Variants in SLC1A7 observed in about 807,000 individuals in gnomAD.
SLC1A7 encodes excitatory amino acid transporter 5.
In SLC1A7, 40 loss-of-function variants were observed where a neutral mutation model predicts 47.7. The observed-to-expected ratio is 0.84, with a 90% CI of 0.65 to 1.09. The LOEUF is 1.09. SLC1A7 is among the 50% of genes least tolerant of loss of function. The probability of loss-of-function intolerance (pLI) is 0.00; values close to 1 mark genes in which losing one functional copy is unlikely to be tolerated. For missense variants in SLC1A7, 746 were observed against 769.5 expected, an observed-to-expected ratio of 0.97 and a Z score of 0.36; for synonymous variants, 323 against 325.6, an observed-to-expected ratio of 0.99 and a Z score of 0.09.
rs1218047336 is a variant in SLC1A7, at chr1:53,136,647, AT to A, written c.136-2219del. Among the ~76,000 whole-genome samples the A allele has an allele frequency of 2.2e-3, 233 of 107,878 alleles. 2 individuals carry two copies. Among genetic ancestry groups the A allele is most frequent in the Non-Finnish European group, 3.4e-3 (196 of 57,580 alleles). The allele number at this position is 107,878 out of a possible 152,430, so 70.8% of individuals were successfully genotyped here. The stretch of plus-strand genomic sequence containing the variant: ...ACATATATAATATATAAAAACATAT[AT>A]ATATTATATATATATATATTTTTTT... On this transcript the variant is annotated intron_variant, in intron 1 of 10. Coordinates refer to ENST00000371494, the MANE Select transcript of SLC1A7 (RefSeq NM_006671.6).
chr1:53,089,088 A>C, intron 9 of SLC1A7, 109 bp from the exon 10 acceptor site: 1 of 874,304 alleles, frequency 1.1e-6, no homozygotes, highest in Non-Finnish European at 1.9e-6. Context: ...CTGTCATGCA[A>C]AGCCTGCAGC....
chr1:53,097,531 A>G (rs1183259097), intron 5 of SLC1A7, among the ~76,000 whole-genome samples: 1 of 149,958 alleles, frequency 6.7e-6, no homozygotes, highest in African/African-American at 2.5e-5. Flanking sequence ...CTGCCTTGGT[A>G]CAATCACAAA....
At chr1:53,099,341 CCTCAGTA>C (rs1644542759) in intron 5 of SLC1A7, among the ~76,000 whole-genome samples, 2 of 61,484 alleles carry the variant, frequency 3.3e-5, no homozygotes, top group South Asian at 6.2e-4. Flanking sequence ...GCTCACACTG[CCTCAGTA>C]CCTCACATAC....
Position 53,142,209 on chromosome 1 carries a change from C to T in SLC1A7, c.135+106G>A, listed in dbSNP as rs57998996. 6,386 of 1,291,276 alleles carry T rather than the reference C, an allele frequency of 4.9e-3. 221 individuals are homozygous for T. In the African/African-American group the frequency reaches 0.077, roughly 16 times the overall value. The allele number at this position is 1,291,276 out of a possible 1,614,324, so 80.0% of individuals were successfully genotyped here. The stretch of plus-strand genomic sequence containing the variant: ...ACCCAGAGAGGCAGAGGGATTCACA[C>T]ACTGTCATGGCACCAGGGAGCTGTG... On this transcript the variant is annotated intron_variant, in intron 1 of 10. Coordinates refer to ENST00000371494, the MANE Select transcript of SLC1A7 (RefSeq NM_006671.6).
chr1:53,112,073 G>A (rs1644707105), intron 3 of SLC1A7, among the ~76,000 whole-genome samples: 1 of 152,176 alleles, frequency 6.6e-6, no homozygotes, highest in Admixed American at 6.5e-5. Context: ...TAACATTGTG[G>A]TCCCTTCCCA....
intron 2 of SLC1A7, among the ~76,000 whole-genome samples, chr1:53,129,292 A>G (rs1393763216): frequency 1.3e-5 from 2 of 152,230 alleles, no homozygotes; most frequent in African/African-American, 4.8e-5. Context: ...AACCTCGTGA[A>G]GGAGGTATTC....
intron 4 of SLC1A7, among the ~76,000 whole-genome samples, chr1:53,104,675 C>T (rs1174997286): frequency 2.6e-5 from 4 of 152,300 alleles, no homozygotes; most frequent in East Asian, 1.9e-4. Flanking sequence ...AGAGACGCGG[C>T]GATATGCCAA....
intron 5 of SLC1A7, among the ~76,000 whole-genome samples, chr1:53,101,495 TAC>T (rs1644580053): frequency 6.7e-6 from 1 of 150,154 alleles, no homozygotes; most frequent in Non-Finnish European, 1.5e-5. Context: ...ACCACCTCGG[TAC>T]ACTCACACAC....
At chr1:53,107,367 G>A (rs1004942771) in intron 3 of SLC1A7, among the ~76,000 whole-genome samples, 4 of 152,026 alleles carry the variant, frequency 2.6e-5, no homozygotes, top group African/African-American at 4.8e-5. Context: ...AAGGACATTC[G>A]TGGAAAAACT....
chr1:53,118,649 T>C (rs1180377986), intron 2 of SLC1A7: 2 of 152,262 alleles, frequency 1.3e-5, no homozygotes, highest in Non-Finnish European at 1.5e-5. Context: ...TTAAGTTTAA[T>C]ACTTTATTTA....
chr1:53,124,453 G>A (rs1407511348), intron 2 of SLC1A7, among the ~76,000 whole-genome samples: 1 of 152,210 alleles, frequency 6.6e-6, no homozygotes, highest in African/African-American at 2.4e-5. Context: ...TGAGGGGAGA[G>A]AAGGGTTTGG....
Position 53,142,439 on chromosome 1 carries a change from T to C in SLC1A7, c.11A>G (p.His4Arg). 1 of 1,613,332 alleles carries C rather than the reference T, an allele frequency of 6.2e-7. No homozygotes were observed. The highest frequency in any genetic ancestry group is 1.1e-5 in the South Asian group (1 of 90,878). ...GTCCCTCCCCCGTGCCAAGATGGCA[T>C]GCGGCACCATGGTGAGCCTGGCCTG... MVP[H>R]AILARGRDVC... Residue 4 changes from histidine (H) to arginine (R), a missense_variant, in exon 1 of 11, where the codon CAT (histidine) becomes CGT (arginine). Transcript: ENST00000371494.
At chr1:53,114,395 C>T (rs376084764) in intron 3 of SLC1A7, among the ~76,000 whole-genome samples, 155 of 152,306 alleles carry the variant, frequency 1.0e-3, no homozygotes, top group African/African-American at 2.8e-3. Context: ...GGAAAAGTCA[C>T]GGCACCTTTT....
At chr1:53,135,234 TTCA>T (rs1420141480) in intron 1 of SLC1A7, among the ~76,000 whole-genome samples, 3 of 152,150 alleles carry the variant, frequency 2.0e-5, no homozygotes, top group African/African-American at 4.8e-5. Context: ...TGTTCATGCA[TTCA>T]TTCAACCCGC....
At chr1:53,108,662 T>C (rs1644670790) in intron 3 of SLC1A7, 1 of 717,546 alleles carries the variant, frequency 1.4e-6, no homozygotes, top group Non-Finnish European at 2.6e-6. Context: ...TAGCTAGAGC[T>C]TGAGCAACCT....
chr1:53,121,919 A>G (rs1362399753), intron 2 of SLC1A7, among the ~76,000 whole-genome samples: 1 of 151,728 alleles, frequency 6.6e-6, no homozygotes, highest in Non-Finnish European at 1.5e-5. Flanking sequence ...GCTTTGACTC[A>G]TTGAGAAAGG....
At chr1:53,120,479 C>T (rs758308341) in intron 2 of SLC1A7, among the ~76,000 whole-genome samples, 6 of 152,094 alleles carry the variant, frequency 3.9e-5, no homozygotes, top group African/African-American at 1.2e-4. Flanking sequence ...CCCTGCCCTG[C>T]GTCCCCTGGG....
chr1:53,110,266 T>C (rs896816579), intron 3 of SLC1A7, among the ~76,000 whole-genome samples: 1 of 152,144 alleles, frequency 6.6e-6, no homozygotes, highest in Non-Finnish European at 1.5e-5. Context: ...GGCCACACAG[T>C]AACTTATTAT....
Position 53,090,644 on chromosome 1 carries a change from G to T in SLC1A7, c.1194C>A (p.Tyr398Ter), listed in dbSNP as rs377738768. The change falls in exon 8 of 11, where the codon TAC becomes TAA. Residue 398 changes from tyrosine to a stop codon, truncating the protein, a stop_gained. Coordinates refer to ENST00000371494, the MANE Select transcript of SLC1A7 (RefSeq NM_006671.6). LOFTEE classifies it high-confidence loss of function. ...AAIFIAQVNN[Y>*]ELDFGQIITI... The stretch of plus-strand genomic sequence containing the variant: ...TGATGATCTGGCCAAAGTCCAGCTC[G>T]TAGTTGTTGACCTGGGCGATGAAGA... 2 of 1,606,518 alleles carry T rather than the reference G, an allele frequency of 1.2e-6. No individual in the cohort carries two copies. Among genetic ancestry groups the T allele is most frequent in the Non-Finnish European group, 1.7e-6 (2 of 1,174,756 alleles).
Sources: allele counts gnomAD v4.1 joint callset (sites outside exome capture counted in the v4.1 genomes callset), GRCh38; gene constraint gnomAD v4.1.1; transcripts MANE v1.5; gene names NCBI Gene and HGNC (gene_info 2026-07-23, HGNC 2026-07-21).